Variants in DPYSL4 observed in about 807,000 individuals in gnomAD.
The protein encoded by DPYSL4 is dihydropyrimidinase like 4.
Under a neutral mutation model 63.4 loss-of-function variants are expected in DPYSL4, and 43 were observed. The ratio of observed to expected loss-of-function variants is 0.68; its 90% CI spans 0.53 to 0.88. The LOEUF is 0.88. DPYSL4 is among the 40% of genes least tolerant of loss of function. DPYSL4 has a pLI of 0.00. For missense variants in DPYSL4, 733 were observed against 819.5 expected (o/e 0.89, Z 1.29); for synonymous variants, 353 against 331.7 (o/e 1.06, Z -0.70).
Position 132,196,857 on chromosome 10 carries a change from C to T in DPYSL4, c.479-4C>T. The T allele has an allele frequency of 6.2e-7, 1 of 1,613,704 alleles. No individual in the cohort carries two copies. The highest frequency in any genetic ancestry group is 8.5e-7 in the Non-Finnish European group (1 of 1,179,988). On this transcript the variant is annotated splice_region_variant and splice_polypyrimidine_tract_variant and intron_variant, in intron 4 of 13. Coordinates refer to ENST00000338492, the MANE Select transcript of DPYSL4 (RefSeq NM_006426.3). ...TGAGCCTCTGACCCCTGCCTCTTCT[C>T]CAGGTGTGAACTCCTTCCTGGTCTT...
chr10:132,188,549 G>A (rs1228246674), intron 1 of DPYSL4, among the ~76,000 whole-genome samples: 2 of 152,186 alleles, frequency 1.3e-5, no homozygotes, highest in Non-Finnish European at 2.9e-5. Context: ...TGAGCCTGGC[G>A]CTCAGCTGGG....
chr10:132,204,008 T>C, intron 13 of DPYSL4, 81 bp downstream of exon 13: 6 of 1,503,324 alleles, frequency 4.0e-6, no homozygotes, highest in Non-Finnish European at 5.4e-6. Context: ...GCCCAGCCTG[T>C]GCCCAGAGGG....
chr10:132,198,631 C>G, intron 7 of DPYSL4, 148 bp downstream of exon 7: 2 of 1,062,164 alleles, frequency 1.9e-6, no homozygotes, highest in Non-Finnish European at 2.7e-6. Context: ...CTCCCCGTGC[C>G]AGGCACTTGT....
At chr10:132,197,523 G>A (rs116670036) in intron 6 of DPYSL4, among the ~76,000 whole-genome samples, 5 of 152,204 alleles carry the variant, frequency 3.3e-5, no homozygotes, top group Non-Finnish European at 7.3e-5. Context: ...CTGAGCCCGC[G>A]TGCAGTGGCG....
chr10:132,200,153 A>G (rs1487531265), intron 8 of DPYSL4, among the ~76,000 whole-genome samples: 1 of 152,180 alleles, frequency 6.6e-6, no homozygotes, highest in East Asian at 1.9e-4. Flanking sequence ...CTTTCCCAGA[A>G]GGACCCCCAG....
chr10:132,191,515 C>G (rs113395889), intron 2 of DPYSL4, among the ~76,000 whole-genome samples: 2 of 49,448 alleles, frequency 4.0e-5, no homozygotes, highest in Non-Finnish European at 8.2e-5. Flanking sequence ...GGCAGATGAA[C>G]ATAGTTCCCA....
At position 132,192,659 on chromosome 10, in the gene DPYSL4, C is replaced by T; in HGVS notation, c.130C>T (p.Gln44Ter). ...DVHVEDGLIK[Q>*]IGENLIVPGG... is the part of the protein sequence containing the mutation. ...CAGTGAAATCTCTGCTGCTTTCAGA[C>T]AAATCGGAGAAAACCTCATCGTCCC... The change falls in exon 3 of 14, where the codon CAA (glutamine) becomes TAA (stop). Residue 44 changes from glutamine (Q) to a stop codon, truncating the protein, a stop_gained and splice_region_variant. Transcript: ENST00000338492. LOFTEE classifies it high-confidence loss of function. 1.3e-6 allele frequency: 2 copies of T among 1,599,508 alleles called. No individual in the cohort carries two copies. The highest frequency in any genetic ancestry group is 2.2e-5 in the East Asian group (1 of 44,508).
chr10:132,187,344 C>T (rs1361836050), intron 1 of DPYSL4, among the ~76,000 whole-genome samples: 14 of 20,388 alleles, frequency 6.9e-4, no homozygotes, highest in African/African-American at 1.5e-3. Context: ...CGGCCCGGCC[C>T]TGCCCGGCCC....
At chr10:132,187,339 C>CGGCCCTGCCCGGCCCTGCCG (rs1199628057) in intron 1 of DPYSL4, among the ~76,000 whole-genome samples, 81 of 19,914 alleles carry the variant, frequency 4.1e-3, no homozygotes, top group African/African-American at 8.2e-3. Flanking sequence ...CGGCCCGGCC[C>CGGCCCTGCCCGGCCCTGCCG]GGCCCTGCCC....
At position 132,202,128 on chromosome 10, in the gene DPYSL4, CG is replaced by C; in HGVS notation, c.1281+14del. On this transcript the variant is annotated intron_variant, in intron 11 of 13. Coordinates refer to ENST00000338492, the MANE Select transcript of DPYSL4 (RefSeq NM_006426.3). The stretch of plus-strand genomic sequence containing the variant: ...AGACCCACAATCTGGTAAGAGAAGG[CG>C]GCTGTAAGTCAGGGTTGGCCTTTGT... The C allele has an allele frequency of 6.2e-7, 1 of 1,608,244 alleles. No homozygotes were observed. The highest frequency in any genetic ancestry group is 1.1e-5 in the South Asian group (1 of 90,688).
At position 132,202,091 on chromosome 10, in the gene DPYSL4, T is replaced by G; in HGVS notation, c.1256T>G (p.Ile419Ser). 2.5e-6 allele frequency: 4 copies of G among 1,612,804 alleles called. No homozygotes were observed. Among genetic ancestry groups the G allele is most frequent in the Non-Finnish European group, 3.4e-6 (4 of 1,179,776 alleles). ...LVIWNPKATK[I>S]ISAKTHNLNV... is the part of the protein sequence containing the mutation. The stretch of plus-strand genomic sequence containing the variant: ...ATATGGAACCCCAAGGCCACCAAGA[T>G]CATCTCTGCCAAGACCCACAATCTG... The change falls in exon 11 of 14, where the codon ATC becomes AGC. Residue 419 changes from isoleucine to serine, a missense_variant. Coordinates refer to ENST00000338492, the MANE Select transcript of DPYSL4 (RefSeq NM_006426.3).
Position 132,200,989 on chromosome 10 carries a change from C to T in DPYSL4, c.1110+6C>T. On this transcript the variant is annotated splice_donor_region_variant and intron_variant, in intron 10 of 13. Coordinates refer to ENST00000338492, the MANE Select transcript of DPYSL4 (RefSeq NM_006426.3). ...TGGTCTGGGAGAAATGTGTGGTGAG[C>T]ACAGGCCTGGCCGGGGCACGCCGTC... 5.6e-6 allele frequency: 9 copies of T among 1,612,506 alleles called. No individual in the cohort carries two copies. Among genetic ancestry groups the T allele is most frequent in the East Asian group, 2.2e-5 (1 of 44,888 alleles).
rs753936473 is a variant in DPYSL4, at chr10:132,198,939, C to T, written c.779C>T (p.Ala260Val). Residue 260 changes from alanine (A) to valine (V), a missense_variant, in exon 8 of 14, where the codon GCG (alanine) becomes GTG (valine). By Grantham distance (64) the Ala-to-Val change is moderately conservative. Coordinates refer to ENST00000338492, the MANE Select transcript of DPYSL4 (RefSeq NM_006426.3). ...GTCACCAAGGTGATGAGCAAGGGGG[C>T]GGCCGACGCCATCGCTCAGGCCAAG... Reference protein sequence around the residue: ...LYVTKVMSKGAADAIAQAKRR... With the variant: ...LYVTKVMSKGVADAIAQAKRR... 9.3e-6 allele frequency: 15 copies of T among 1,612,570 alleles called. 1 individual carries two copies. The South Asian group carries it at 1.1e-4, about 12-fold the overall frequency.
At position 132,203,768 on chromosome 10, in the gene DPYSL4, G is replaced by T; in HGVS notation, c.1468G>T (p.Glu490Ter). 6.2e-7 allele frequency: 1 copy of T among 1,601,792 alleles called. No individual in the cohort carries two copies. Among genetic ancestry groups the T allele is most frequent in the Non-Finnish European group, 8.5e-7 (1 of 1,171,654 alleles). Residue 490 changes from glutamate to a stop codon, truncating the protein, a stop_gained, in exon 13 of 14, where the codon GAG becomes TAG. Coordinates refer to ENST00000338492, the MANE Select transcript of DPYSL4 (RefSeq NM_006426.3). LOFTEE classifies it high-confidence loss of function. ...KRIKARNRLA[E>*]IHGVPRGLYD... ...GCCCCCACCCCCCCGGCAGCTGGCG[G>T]AGATCCACGGTGTGCCCCGTGGACT...
At position 132,192,782 on chromosome 10, in the gene DPYSL4, C is replaced by G; in HGVS notation, c.253C>G (p.Pro85Ala). 1 of 1,613,150 alleles carries G rather than the reference C, an allele frequency of 6.2e-7. No homozygotes were observed. Among genetic ancestry groups the G allele is most frequent in the Non-Finnish European group, 8.5e-7 (1 of 1,179,928 alleles). ...GCAGATGCCTGTCCTGGGCATGACA[C>G]CGGCTGACGACTTCTGTCAGGGCAC... ...RLQMPVLGMT[P>A]ADDFCQGTKA... is the part of the protein sequence containing the mutation. The change falls in exon 3 of 14, where the codon CCG (proline) becomes GCG (alanine). Residue 85 changes from proline (P) to alanine (A), a missense_variant. Coordinates refer to ENST00000338492, the MANE Select transcript of DPYSL4 (RefSeq NM_006426.3).
In DPYSL4 at chr10:132,187,069, C is replaced by T. The variant is rs1253379850; in HGVS notation, c.6C>T (p.Ser2=). Residue 2 remains serine (S), a synonymous_variant, in exon 1 of 14, where the codon TCC becomes TCT. Transcript: ENST00000338492. M[S]FQGKKSIPRI... ...CAGAGACCCCCAGGAGCAGGATGTC[C>T]TTCCAGGGCAAGAAAAGCATCCCCC... The T allele has an allele frequency of 1.8e-5, 25 of 1,391,396 alleles. No homozygotes were observed. Among genetic ancestry groups the T allele is most frequent in the Middle Eastern group, 2.0e-4 (1 of 5,100 alleles). The allele number at this position is 1,391,396 out of a possible 1,614,324, so 86.2% of individuals were successfully genotyped here.
chr10:132,199,232 T>C (rs1439989908), intron 8 of DPYSL4, among the ~76,000 whole-genome samples: 1 of 151,720 alleles, frequency 6.6e-6, no homozygotes, highest in African/African-American at 2.4e-5. Flanking sequence ...CCATTTCCAG[T>C]GGGGGTGGGT....
chr10:132,196,870 C>A lies in DPYSL4; in HGVS notation c.488C>A (p.Ser163Tyr). 6.2e-7 allele frequency: 1 copy of A among 1,613,752 alleles called. No homozygotes were observed. Among genetic ancestry groups the A allele is most frequent in the Non-Finnish European group, 8.5e-7 (1 of 1,179,990 alleles). ...CCTGCCTCTTCTCCAGGTGTGAACT[C>A]CTTCCTGGTCTTCATGGCATACAAG... ...EALVKEKGVN[S>Y]FLVFMAYKDR... Residue 163 changes from serine to tyrosine, a missense_variant, in exon 5 of 14, where the codon TCC (serine) becomes TAC (tyrosine). Physicochemically the swap from Ser to Tyr is moderately radical, Grantham distance 144. Coordinates refer to ENST00000338492, the MANE Select transcript of DPYSL4 (RefSeq NM_006426.3).
At chr10:132,187,364 CTGCCG>C (rs1176615097) in intron 1 of DPYSL4, among the ~76,000 whole-genome samples, 1 of 37,996 alleles carries the variant, frequency 2.6e-5, no homozygotes. Context: ...CTGCCGGGCC[CTGCCG>C]GGCCCTGCCC....
Sources: allele counts gnomAD v4.1 joint callset (sites outside exome capture counted in the v4.1 genomes callset), GRCh38; gene constraint gnomAD v4.1.1; transcripts MANE v1.5; gene names NCBI Gene and HGNC (gene_info 2026-07-23, HGNC 2026-07-21).